The following FBXL5 variants were observed in gnomAD, a reference collection of about 807,000 sequenced individuals.
The protein encoded by FBXL5 is F-box and leucine rich repeat protein 5.
Under a neutral mutation model 78.3 loss-of-function variants are expected in FBXL5, and 26 were observed. That is an observed-to-expected ratio of 0.33 (90% CI 0.24 to 0.46). The LOEUF is 0.46. Ranked by LOEUF, FBXL5 falls within the 20% of genes least tolerant of loss-of-function variation. FBXL5 has a pLI of 1.00. For missense variants in FBXL5, 710 were observed against 829.2 expected (o/e 0.86, Z 1.77); for synonymous variants, 295 against 282.5 (o/e 1.04, Z -0.45).
chr4:15,623,153 G>A (rs190507583), intron 9 of FBXL5, among the ~76,000 whole-genome samples: 8 of 151,984 alleles, frequency 5.3e-5, no homozygotes, highest in Non-Finnish European at 1.2e-4. Flanking sequence ...CAAACAAAAC[G>A]TTACAATTCT....
chr4:15,624,855 T>C (rs1712860760), intron 9 of FBXL5, among the ~76,000 whole-genome samples: 1 of 152,158 alleles, frequency 6.6e-6, no homozygotes, highest in Non-Finnish European at 1.5e-5. Flanking sequence ...CAGCCTACGT[T>C]TTCCAAAACC....
intron 1 of FBXL5, among the ~76,000 whole-genome samples, chr4:15,665,131 C>T (rs1269439138): frequency 1.3e-5 from 2 of 152,128 alleles, no homozygotes; most frequent in East Asian, 1.9e-4. Context: ...CATTCTTCCT[C>T]GAAACCTCTA....
rs1194921881 is a variant in FBXL5 at position 15,630,905 on chromosome 4, T to C, written c.767-114A>G. ...CTACAAAGAGAAAACATCTGAGCCCTAGGCAATAAGCAACTGTTTTTTTTT... is the reference window on the plus strand; with the variant it reads ...CTACAAAGAGAAAACATCTGAGCCCCAGGCAATAAGCAACTGTTTTTTTTT... On this transcript the variant is annotated intron_variant, in intron 5 of 10. Coordinates refer to ENST00000341285, the MANE Select transcript of FBXL5 (RefSeq NM_012161.4). 5 of 1,338,336 alleles carry C rather than the reference T, an allele frequency of 3.7e-6. No individual in the cohort carries two copies. The African/African-American group carries it at 6.1e-5, about 16-fold the overall frequency. 82.9% of individuals were successfully genotyped at this position (1,338,336 alleles called of 1,614,324 possible).
chr4:15,671,161 T>A (rs1717749369), intron 1 of FBXL5, among the ~76,000 whole-genome samples: 1 of 151,618 alleles, frequency 6.6e-6, no homozygotes, highest in African/African-American at 2.4e-5. Flanking sequence ...TGACCTCAAG[T>A]GATTTGCCAG....
chr4:15,667,528 C>T (rs1369821915), intron 1 of FBXL5, among the ~76,000 whole-genome samples: 1 of 151,962 alleles, frequency 6.6e-6, no homozygotes, highest in African/African-American at 2.4e-5. Context: ...TAAAAAATAG[C>T]TCTTTTTAAC....
chr4:15,663,073 T>G (rs1717390167), upstream of FBXL5, among the ~76,000 whole-genome samples: 1 of 152,208 alleles, frequency 6.6e-6, no homozygotes, highest in Admixed American at 6.5e-5. Context: ...ATAAAAGGAA[T>G]GCTATTATTT....
At chr4:15,627,075 T>C in intron 7 of FBXL5, 120 bp from the exon 8 acceptor site, 1 of 499,080 alleles carries the variant, frequency 2.0e-6, no homozygotes, top group Non-Finnish European at 3.6e-6. Flanking sequence ...AAAAAATCAC[T>C]TGAATACTTG....
chr4:15,663,561 C>T (rs563722341), upstream of FBXL5, among the ~76,000 whole-genome samples: 4 of 152,268 alleles, frequency 2.6e-5, no homozygotes, highest in African/African-American at 4.8e-5. Context: ...TTGCTACTAC[C>T]GTTAAGCCAC....
intron 5 of FBXL5, among the ~76,000 whole-genome samples, chr4:15,631,751 T>A (rs1413923933): frequency 6.6e-6 from 1 of 150,862 alleles, no homozygotes; most frequent in Non-Finnish European, 1.5e-5. Flanking sequence ...CTTCACCCAG[T>A]TTTTGATGGG....
chr4:15,666,707 C>T (rs1247206381), intron 1 of FBXL5, among the ~76,000 whole-genome samples: 2 of 152,020 alleles, frequency 1.3e-5, no homozygotes, highest in South Asian at 4.1e-4. Context: ...TGGTGTGTGC[C>T]TGTGATTCCA....
intron 1 of FBXL5, among the ~76,000 whole-genome samples, chr4:15,669,908 A>AT (rs1328840127): frequency 2.0e-5 from 3 of 152,212 alleles, no homozygotes; most frequent in African/African-American, 4.8e-5. Context: ...AAAAGACATT[A>AT]TTGTTAAAGG....
chr4:15,621,457 C>A (rs539224206), intron 9 of FBXL5, among the ~76,000 whole-genome samples: 2 of 152,194 alleles, frequency 1.3e-5, no homozygotes, highest in East Asian at 1.9e-4. Context: ...TATTTATATG[C>A]CAACATTCAT....
chr4:15,628,725 G>T (rs1713315413), intron 6 of FBXL5, among the ~76,000 whole-genome samples: 1 of 150,606 alleles, frequency 6.6e-6, no homozygotes, highest in South Asian at 2.1e-4. Flanking sequence ...GTTACTCATG[G>T]TTCCTTGTTT....
chr4:15,614,003 T>C (rs1271346686), intron 9 of FBXL5, among the ~76,000 whole-genome samples: 2 of 152,242 alleles, frequency 1.3e-5, no homozygotes, highest in African/African-American at 4.8e-5. Flanking sequence ...TTTGGGAGTG[T>C]TAAACAACCT....
chr4:15,626,725 G>A, intron 8 of FBXL5, 148 bp downstream of exon 8: 1 of 618,270 alleles, frequency 1.6e-6, no homozygotes, highest in Non-Finnish European at 2.8e-6. Context: ...TGAGTAAGAA[G>A]TGAAGAACTG....
chr4:15,635,482 G>C (rs1483309405), intron 5 of FBXL5, among the ~76,000 whole-genome samples: 1 of 151,928 alleles, frequency 6.6e-6, no homozygotes, highest in Non-Finnish European at 1.5e-5. Context: ...GGCCGGGTCT[G>C]GTGGCTCACA....
chr4:15,662,396 G>A (rs74599972), upstream of FBXL5, among the ~76,000 whole-genome samples: 3,315 of 152,264 alleles, frequency 0.022, 126 homozygotes, highest in African/African-American at 0.075. Flanking sequence ...CTATGAAAAA[G>A]AGTAAAATAT....
chr4:15,626,133 A>G (rs1713038771), intron 8 of FBXL5, among the ~76,000 whole-genome samples, 156 bp from the exon 9 acceptor site: 1 of 152,220 alleles, frequency 6.6e-6, no homozygotes, highest in African/African-American at 2.4e-5. Context: ...ACTATTCTTG[A>G]TGCTAGGGAT....
chr4:15,679,562 C>CAAAAA (rs1202369624), intron 1 of FBXL5, among the ~76,000 whole-genome samples: 2 of 94,400 alleles, frequency 2.1e-5, no homozygotes, highest in Non-Finnish European at 4.6e-5. Context: ...AGTTCAGGAA[C>CAAAAA]AAAAAAAAAA....
Sources: gnomAD v4.1 joint callset for allele counts (sites outside exome capture counted in the v4.1 genomes callset) on GRCh38, gnomAD v4.1.1 for gene constraint, MANE v1.5 for transcripts, NCBI Gene and HGNC (gene_info 2026-07-23, HGNC 2026-07-21) for gene names.